Variants in ACBD7 observed in about 807,000 individuals in gnomAD.
ACBD7 encodes the protein acyl-CoA binding domain containing 7.
In ACBD7, 11 loss-of-function variants were observed where a neutral mutation model predicts 13.7. The ratio of observed to expected loss-of-function variants is 0.80; its 90% CI spans 0.50 to 1.33. ACBD7 has a LOEUF of 1.33. Ranked by LOEUF, ACBD7 falls within the 40% of genes most tolerant of loss-of-function variation. The pLI, the probability that ACBD7 is intolerant of heterozygous loss-of-function variation, is 0.00. For synonymous variants in ACBD7, 43 were observed against 37.7 expected, an observed-to-expected ratio of 1.14 and a Z score of -0.51; for missense variants, 111 against 103.0, an observed-to-expected ratio of 1.08 and a Z score of -0.33.
At chr10:15,080,325 A>G (rs1220772543) in intron 1 of ACBD7, among the ~76,000 whole-genome samples, 1 of 152,102 alleles carries the variant, frequency 6.6e-6, no homozygotes, top group Non-Finnish European at 1.5e-5. Context: ...CATGCCTGTA[A>G]TCCTAGCACT....
intron 1 of ACBD7, among the ~76,000 whole-genome samples, chr10:15,080,008 C>T (rs1844732513): frequency 6.6e-6 from 1 of 151,758 alleles, no homozygotes. Context: ...CCAGTTAATA[C>T]CATCGTCTAG....
intron 1 of ACBD7, among the ~76,000 whole-genome samples, chr10:15,084,693 A>C (rs72774380): frequency 0.052 from 7,942 of 152,264 alleles, 286 homozygotes; most frequent in East Asian, 0.062. Flanking sequence ...TGAAGTTACA[A>C]AGTTACACTT....
intron 1 of ACBD7, among the ~76,000 whole-genome samples, chr10:15,082,059 A>T (rs1844756491): frequency 6.6e-6 from 1 of 152,166 alleles, no homozygotes; most frequent in South Asian, 2.1e-4. Flanking sequence ...AGGCCAAGGC[A>T]GGTGGATCAC....
At chr10:15,084,350 GA>G (rs1844784906) in intron 1 of ACBD7, among the ~76,000 whole-genome samples, 1 of 152,216 alleles carries the variant, frequency 6.6e-6, no homozygotes, top group Non-Finnish European at 1.5e-5. Flanking sequence ...AGGGGGATCA[GA>G]AAGTTATCAT....
intron 1 of ACBD7, among the ~76,000 whole-genome samples, chr10:15,082,650 G>A (rs193271388): frequency 2.6e-5 from 4 of 152,156 alleles, no homozygotes; most frequent in Non-Finnish European, 5.9e-5. Context: ...CAGGTGTTCT[G>A]CTTGCTGTAA....
At chr10:15,081,841 G>T (rs1844753701) in intron 1 of ACBD7, among the ~76,000 whole-genome samples, 1 of 152,170 alleles carries the variant, frequency 6.6e-6, no homozygotes, top group South Asian at 2.1e-4. Flanking sequence ...TCCCACAGGG[G>T]ACTGAGAAGC....
intron 1 of ACBD7, among the ~76,000 whole-genome samples, chr10:15,083,790 T>A (rs1453892183): frequency 1.3e-5 from 2 of 152,170 alleles, no homozygotes; most frequent in Non-Finnish European, 2.9e-5. Flanking sequence ...GCCAAGAATG[T>A]AAAATATTCT....
intron 1 of ACBD7, among the ~76,000 whole-genome samples, chr10:15,087,793 C>CTCCATCTTA (rs1386899891): frequency 2.9e-5 from 4 of 137,878 alleles, no homozygotes; most frequent in Non-Finnish European, 4.7e-5. Context: ...GCCTGGGTGA[C>CTCCATCTTA]AGAATGAGAC....
rs889410671 is a variant in ACBD7, at chr10:15,077,051, G to T, written c.*1479C>A. ...GAAATTTCTCATGGAACTAAAAATA[G>T]AACTACCATTCTACCCAGCAATCCC... On this transcript the variant is annotated 3_prime_UTR_variant, in exon 4 of 4. Coordinates refer to ENST00000356189, the MANE Select transcript of ACBD7 (RefSeq NM_001039844.3). 2.1e-6 allele frequency: 1 copy of T among 475,806 alleles called. No individual in the cohort carries two copies. Among genetic ancestry groups the T allele is most frequent in the African/African-American group, 2.1e-5 (1 of 47,224 alleles). The allele number at this position is 475,806 out of a possible 1,614,324, so 29.5% of individuals were successfully genotyped here. A position where few individuals can be genotyped will look rare whatever the true frequency, so the allele number is the denominator to read the frequency against.
At chr10:15,079,887 T>C (rs573166862) in intron 1 of ACBD7, among the ~76,000 whole-genome samples, 1 of 151,406 alleles carries the variant, frequency 6.6e-6, no homozygotes, top group East Asian at 1.9e-4. Flanking sequence ...GCTTTTCTTT[T>C]TTTTTTTTTT....
chr10:15,078,663 G>T, intron 3 of ACBD7, 28 bp downstream of exon 3: 1 of 1,613,962 alleles, frequency 6.2e-7, no homozygotes, highest in Non-Finnish European at 8.5e-7. Flanking sequence ...AAGAAAGTTT[G>T]CTTTAAACTT....
intron 1 of ACBD7, among the ~76,000 whole-genome samples, chr10:15,087,873 A>G (rs1844827414): frequency 1.3e-5 from 2 of 152,052 alleles, no homozygotes; most frequent in African/African-American, 4.8e-5. Flanking sequence ...CTGTAACCCC[A>G]GCTACTGCGG....
chr10:15,078,914 A>G lies in ACBD7; in HGVS notation c.130+9T>C. 2 of 1,391,280 alleles carry G rather than the reference A, an allele frequency of 1.4e-6. No homozygotes were observed. The highest frequency in any genetic ancestry group is 1.9e-6 in the Non-Finnish European group (2 of 1,033,096). 86.2% of individuals were successfully genotyped at this position (1,391,280 alleles called of 1,614,324 possible). On this transcript the variant is annotated intron_variant, in intron 2 of 3. Transcript: ENST00000356189. The stretch of plus-strand genomic sequence containing the variant: ...ATATGAATATATTAATATTAATAAT[A>G]TATAATACCAATATTAATGTCTCCA...
chr10:15,080,781 C>G (rs1589260235), intron 1 of ACBD7, among the ~76,000 whole-genome samples: 1 of 152,150 alleles, frequency 6.6e-6, no homozygotes, highest in East Asian at 1.9e-4. Context: ...TTTCTAACCT[C>G]TTAGTTTATA....
At chr10:15,084,248 C>T (rs1844783324) in intron 1 of ACBD7, among the ~76,000 whole-genome samples, 1 of 152,206 alleles carries the variant, frequency 6.6e-6, no homozygotes, top group South Asian at 2.1e-4. Context: ...GCAGCACCCA[C>T]GGGGCCTCAC....
intron 1 of ACBD7, among the ~76,000 whole-genome samples, chr10:15,079,272 T>C (rs1200077077): frequency 3.1e-4 from 46 of 149,464 alleles, no homozygotes; most frequent in African/African-American, 1.1e-3. Context: ...TAACTTCTTT[T>C]TTTTTTTTTT....
chr10:15,083,950 C>T (rs1262921694), intron 1 of ACBD7, among the ~76,000 whole-genome samples: 1 of 152,220 alleles, frequency 6.6e-6, no homozygotes, highest in Non-Finnish European at 1.5e-5. Flanking sequence ...CGCTCATAGC[C>T]TGGTGGGAGA....
At chr10:15,080,566 TGA>T (rs1328763338) in intron 1 of ACBD7, among the ~76,000 whole-genome samples, 1 of 151,950 alleles carries the variant, frequency 6.6e-6, no homozygotes, top group African/African-American at 2.4e-5. Context: ...GGCGACAAAG[TGA>T]GACTCTGTCT....
At chr10:15,085,166 C>T (rs1844795221) in intron 1 of ACBD7, among the ~76,000 whole-genome samples, 1 of 152,170 alleles carries the variant, frequency 6.6e-6, no homozygotes, top group Non-Finnish European at 1.5e-5. Context: ...TCCCGGTCAC[C>T]CGAGCTTGGG....
Sources: allele counts gnomAD v4.1 joint callset (sites outside exome capture counted in the v4.1 genomes callset), GRCh38; gene constraint gnomAD v4.1.1; transcripts MANE v1.5; gene names NCBI Gene and HGNC (gene_info 2026-07-23, HGNC 2026-07-21).